CAMKMT: variants seen among roughly 807,000 people sequenced by gnomAD.
CAMKMT encodes the protein calmodulin-lysine N-methyltransferase.
In CAMKMT, 53 loss-of-function variants were observed where a neutral mutation model predicts 48.0. That is an observed-to-expected ratio of 1.10 (90% CI 0.89 to 1.39). The LOEUF (loss-of-function observed/expected upper bound fraction) is 1.39. Ranked by LOEUF, CAMKMT falls within the 40% of genes most tolerant of loss-of-function variation. The probability of loss-of-function intolerance (pLI) is 0.00; values close to 1 mark genes in which losing one functional copy is unlikely to be tolerated. For missense variants in CAMKMT, 428 were observed against 402.7 expected, an observed-to-expected ratio of 1.06 and a Z score of -0.54; for synonymous variants, 165 against 152.3, an observed-to-expected ratio of 1.08 and a Z score of -0.61.
intron 3 of CAMKMT, among the ~76,000 whole-genome samples, chr2:44,576,627 A>G (rs1266523932): frequency 2.0e-5 from 3 of 152,176 alleles, no homozygotes; most frequent in African/African-American, 7.2e-5. Context: ...TGTGACTTAC[A>G]CTGATAGCAT....
chr2:44,391,672 C>A (rs1067346), intron 3 of CAMKMT, among the ~76,000 whole-genome samples: 106,342 of 151,976 alleles, frequency 0.7, 37,759 homozygotes, highest in South Asian at 0.79. Flanking sequence ...CAGTTGGCTC[C>A]GTATGAAATA....
At chr2:44,490,132 C>G (rs1161659673) in intron 3 of CAMKMT, among the ~76,000 whole-genome samples, 1 of 152,038 alleles carries the variant, frequency 6.6e-6, no homozygotes, top group African/African-American at 2.4e-5. Flanking sequence ...CTTTTCCACA[C>G]AGATATGTTA....
chr2:44,478,702 C>CTT (rs11323347), intron 3 of CAMKMT, among the ~76,000 whole-genome samples: 1 of 106,380 alleles, frequency 9.4e-6, no homozygotes, highest in African/African-American at 3.3e-5. Flanking sequence ...TCTTTTCTTC[C>CTT]TTTTTTTTTT....
chr2:44,484,103 A>G (rs1463188909), intron 3 of CAMKMT, among the ~76,000 whole-genome samples: 1 of 152,118 alleles, frequency 6.6e-6, no homozygotes, highest in Non-Finnish European at 1.5e-5. Context: ...ATGGGGAGAA[A>G]TGTACTCCAA....
At chr2:44,631,321 G>A (rs192931229) in intron 3 of CAMKMT, among the ~76,000 whole-genome samples, 11 of 151,976 alleles carry the variant, frequency 7.2e-5, no homozygotes, top group South Asian at 2.1e-4. Flanking sequence ...TGGGTGCAGC[G>A]CACCAGCAAG....
chr2:44,557,369 A>T (rs948389209), intron 3 of CAMKMT, among the ~76,000 whole-genome samples: 31 of 152,308 alleles, frequency 2.0e-4, no homozygotes, highest in African/African-American at 7.5e-4. Context: ...ACAAATAGGA[A>T]GCAAAAATAA....
chr2:44,705,057 C>G (rs898141201), intron 4 of CAMKMT, among the ~76,000 whole-genome samples: 4 of 152,002 alleles, frequency 2.6e-5, no homozygotes, highest in Non-Finnish European at 5.9e-5. Context: ...TCCTGAATAG[C>G]TCATTATGAT....
intron 6 of CAMKMT, among the ~76,000 whole-genome samples, chr2:44,708,935 G>A (rs373362069): frequency 3.3e-5 from 5 of 152,008 alleles, no homozygotes; most frequent in African/African-American, 4.8e-5. Flanking sequence ...ATTTAATAGC[G>A]TCAGAAACCA....
At position 44,382,540 on chromosome 2, in the gene CAMKMT, G is replaced by A. The variant is rs1432095277; in HGVS notation, c.312-7701G>A. Among the ~76,000 whole-genome samples, 4 of 150,510 alleles carry A rather than the reference G, an allele frequency of 2.7e-5. 1 individual carries two copies. The highest frequency in any genetic ancestry group is 3.9e-4 in the East Asian group (2 of 5,110). ...GTCACCCAGGCTGGAGTACAGTGGC[G>A]CGATCTCCACTCACTGCAAGCTCCG... On this transcript the variant is annotated intron_variant, in intron 2 of 10. Transcript: ENST00000378494.
intron 3 of CAMKMT, chr2:44,549,711 C>T: frequency 3.8e-6 from 2 of 523,450 alleles, no homozygotes; most frequent in South Asian, 6.2e-5. Flanking sequence ...TTAAGGATCC[C>T]CAAAGTCTCA....
chr2:44,613,834 T>A (rs2103905156), intron 3 of CAMKMT, among the ~76,000 whole-genome samples: 1 of 152,318 alleles, frequency 6.6e-6, no homozygotes, highest in Admixed American at 6.5e-5. Flanking sequence ...TTCTAATTTG[T>A]CACTAGTCAT....
At chr2:44,389,877 G>T (rs1681153262) in intron 2 of CAMKMT, among the ~76,000 whole-genome samples, 1 of 152,148 alleles carries the variant, frequency 6.6e-6, no homozygotes, top group African/African-American at 2.4e-5. Context: ...GTATTGTTGA[G>T]TGTGGTTCTG....
chr2:44,713,105 A>T (rs73924534), intron 6 of CAMKMT, among the ~76,000 whole-genome samples: 43 of 152,258 alleles, frequency 2.8e-4, no homozygotes, highest in East Asian at 5.8e-4. Context: ...ATATAAATAC[A>T]TATGTTTGCT....
chr2:44,483,681 C>T (rs1372598741), intron 3 of CAMKMT, among the ~76,000 whole-genome samples: 3 of 152,044 alleles, frequency 2.0e-5, no homozygotes, highest in Non-Finnish European at 4.4e-5. Context: ...TTTCAGTTCT[C>T]AATATAAAAC....
intron 3 of CAMKMT, among the ~76,000 whole-genome samples, chr2:44,407,752 G>T (rs1408058386): frequency 1.3e-5 from 2 of 152,144 alleles, no homozygotes; most frequent in Non-Finnish European, 2.9e-5. Context: ...ATCTTGGGTA[G>T]GTTAAGATAA....
chr2:44,670,126 G>A (rs1471428788), intron 3 of CAMKMT, among the ~76,000 whole-genome samples: 4 of 152,086 alleles, frequency 2.6e-5, no homozygotes, highest in Non-Finnish European at 5.9e-5. Flanking sequence ...TCCTTGATCA[G>A]TTATGTGTTA....
chr2:44,620,115 CTT>C (rs1429711990), intron 3 of CAMKMT, among the ~76,000 whole-genome samples: 1 of 152,140 alleles, frequency 6.6e-6, no homozygotes, highest in African/African-American at 2.4e-5. Context: ...TCTAAAAAGA[CTT>C]AGCAATAATT....
At chr2:44,721,892 C>A (rs1461302352) in intron 7 of CAMKMT, among the ~76,000 whole-genome samples, 2 of 152,096 alleles carry the variant, frequency 1.3e-5, no homozygotes, top group Non-Finnish European at 2.9e-5. Context: ...ATACTCATGC[C>A]CCTTCCTCAC....
At chr2:44,587,344 G>T (rs1230763986) in intron 3 of CAMKMT, among the ~76,000 whole-genome samples, 1 of 152,040 alleles carries the variant, frequency 6.6e-6, no homozygotes, top group African/African-American at 2.4e-5. Context: ...CAAAGTACAG[G>T]TTTTACATAT....
Sources: allele counts gnomAD v4.1 joint callset (sites outside exome capture counted in the v4.1 genomes callset), GRCh38; gene constraint gnomAD v4.1.1; transcripts MANE v1.5; gene names NCBI Gene and HGNC (gene_info 2026-07-23, HGNC 2026-07-21).